LRRIQ4: variants seen among roughly 807,000 people sequenced by gnomAD.
LRRIQ4 encodes the protein leucine-rich repeat and IQ domain-containing protein 4.
A neutral mutation model predicts 40.1 loss-of-function variants in LRRIQ4; 21 were observed. The observed-to-expected ratio is 0.52, with a 90% confidence interval of 0.37 to 0.75. The LOEUF is 0.75. Among genes scored for constraint, LRRIQ4 ranks in the 30% least tolerant of loss-of-function variants. The probability of loss-of-function intolerance (pLI) is 0.00; values close to 1 mark genes in which losing one functional copy is unlikely to be tolerated. For synonymous variants in LRRIQ4, 277 were observed against 277.1 expected (o/e 1.00, Z 0.00); for missense variants, 655 against 660.0 (o/e 0.99, Z 0.08).
At chr3:169,821,809 T>G in intron 1 of LRRIQ4, 82 bp from the exon 2 acceptor site, 1 of 703,286 alleles carries the variant, frequency 1.4e-6, no homozygotes, top group Non-Finnish European at 2.1e-6. Flanking sequence ...ATCAACTAGG[T>G]TTTAATTTTA....
In LRRIQ4 at chr3:169,822,780, C is replaced by CT. The variant is rs781501146; in HGVS notation, c.860dup (p.Asn289LysfsTer41). 1.2e-5 allele frequency: 19 copies of CT among 1,613,704 alleles called. No individual in the cohort carries two copies. The South Asian group carries it at 1.9e-4, about 16-fold the overall frequency. On this transcript the variant is annotated frameshift_variant, in exon 2 of 6. Coordinates refer to ENST00000340806, the MANE Select transcript of LRRIQ4 (RefSeq NM_001080460.3). LOFTEE classifies it high-confidence loss of function. ...GTGGACCTCGCTGCACCTGCTCTAC[C>CT]TGGGAAACACCGGCCTGCACAGGCT...
intron 3 of LRRIQ4, among the ~76,000 whole-genome samples, chr3:169,830,153 GCTA>G (rs1780128282): frequency 2.0e-5 from 3 of 151,982 alleles, no homozygotes; most frequent in Non-Finnish European, 4.4e-5. Flanking sequence ...CAGACAATTA[GCTA>G]TTAAAAAAGG....
Position 169,831,440 on chromosome 3 carries a change from A to ATTTTTT in LRRIQ4, c.1333+848_1333+853dup, listed in dbSNP as rs750864248. 4.1e-4 allele frequency among the ~76,000 whole-genome samples: 12 copies of ATTTTTT among 29,430 alleles called. 3 individuals are homozygous for ATTTTTT. Among genetic ancestry groups the ATTTTTT allele is most frequent in the African/African-American group, 9.0e-4 (7 of 7,808 alleles). 19.3% of individuals were successfully genotyped at this position (29,430 alleles called of 152,430 possible). On this transcript the variant is annotated intron_variant, in intron 4 of 5. Transcript: ENST00000340806. Reference sequence around the variant, plus strand: ...AGGCGCCCGCCACCACGCCCGGCTAATTTTTTTTTTTTTTTTTTTTTTTTT... The same window carrying ATTTTTT: ...AGGCGCCCGCCACCACGCCCGGCTAATTTTTTTTTTTTTTTTTTTTTTTTTTTTTTT...
At chr3:169,820,925 G>A (rs1236570086) in intron 1 of LRRIQ4, among the ~76,000 whole-genome samples, 1 of 152,212 alleles carries the variant, frequency 6.6e-6, no homozygotes, top group Non-Finnish European at 1.5e-5. Context: ...AACTGACTTT[G>A]CATTTGGGGC....
At chr3:169,833,381 TC>T (rs1455339125) in intron 5 of LRRIQ4, among the ~76,000 whole-genome samples, 198 bp downstream of exon 5, 6 of 152,138 alleles carry the variant, frequency 3.9e-5, no homozygotes, top group South Asian at 2.1e-4. Context: ...GTCTTTTATG[TC>T]CCTTATTTCT....
intron 4 of LRRIQ4, among the ~76,000 whole-genome samples, chr3:169,830,936 C>T (rs1780157038): frequency 6.6e-6 from 1 of 152,208 alleles, no homozygotes; most frequent in African/African-American, 2.4e-5. Flanking sequence ...TGTACACTTA[C>T]TACATGCCAG....
At chr3:169,820,249 C>CTG (rs55800037) in intron 1 of LRRIQ4, among the ~76,000 whole-genome samples, 12,116 of 143,672 alleles carry the variant, frequency 0.084, 494 homozygotes, top group Middle Eastern at 0.11. Flanking sequence ...CCCATAGACT[C>CTG]TGTGTGTGTG....
chr3:169,826,220 C>T (rs1780037189), intron 2 of LRRIQ4, among the ~76,000 whole-genome samples: 1 of 151,876 alleles, frequency 6.6e-6, no homozygotes, highest in South Asian at 2.1e-4. Flanking sequence ...GGCGAAACCC[C>T]ATCTCTACTA....
chr3:169,834,916 A>T (rs1780271554), intron 5 of LRRIQ4, among the ~76,000 whole-genome samples: 1 of 152,062 alleles, frequency 6.6e-6, no homozygotes, highest in Non-Finnish European at 1.5e-5. Flanking sequence ...ATTTCTTACA[A>T]ATTTTAATAA....
intron 1 of LRRIQ4, among the ~76,000 whole-genome samples, chr3:169,813,915 T>C (rs528294230): frequency 1.4e-4 from 21 of 152,198 alleles, no homozygotes; most frequent in African/African-American, 4.3e-4. Context: ...GACGGGCAGG[T>C]TGTGGGGCAC....
Position 169,822,149 on chromosome 3 carries a change from C to G in LRRIQ4, c.228C>G (p.Leu76=). The change falls in exon 2 of 6, where the codon CTC becomes CTG. Residue 76 remains leucine, a synonymous_variant. Coordinates refer to ENST00000340806, the MANE Select transcript of LRRIQ4 (RefSeq NM_001080460.3). ...AGCGTTTAAAGAACATCAGGGTCCT[C>G]TACCTGGATAAGAACAACCTGAGGA... ...EIQRLKNIRV[L]YLDKNNLRSL... The G allele has an allele frequency of 1.9e-6, 3 of 1,612,946 alleles. No homozygotes were observed. Among genetic ancestry groups the G allele is most frequent in the Non-Finnish European group, 2.5e-6 (3 of 1,179,640 alleles).
At chr3:169,834,920 T>C (rs1780271637) in intron 5 of LRRIQ4, among the ~76,000 whole-genome samples, 1 of 152,076 alleles carries the variant, frequency 6.6e-6, no homozygotes, top group African/African-American at 2.4e-5. Flanking sequence ...CTTACAAATT[T>C]TAATAATTAT....
intron 1 of LRRIQ4, among the ~76,000 whole-genome samples, chr3:169,820,249 CTGTGTGTGTGTGTGTGTG>C (rs55800037): frequency 3.5e-5 from 5 of 143,678 alleles, no homozygotes; most frequent in African/African-American, 1.3e-4. Flanking sequence ...CCCATAGACT[CTGTGTGTGTGTGTGTGTG>C]TGTGTGTGTG....
chr3:169,822,753 A>T lies in LRRIQ4; in HGVS notation c.832A>T (p.Arg278Trp), dbSNP rs939539175. ...RLEKVPRLICRWTSLHLLYLG... is the reference protein window; with the variant it reads ...RLEKVPRLICWWTSLHLLYLG... The stretch of plus-strand genomic sequence containing the variant: ...GGAGAAGGTGCCACGCCTCATTTGC[A>T]GGTGGACCTCGCTGCACCTGCTCTA... Residue 278 changes from arginine (R) to tryptophan (W), a missense_variant, in exon 2 of 6, where the codon AGG (arginine) becomes TGG (tryptophan). By Grantham distance (101) the Arg-to-Trp change is moderately radical. Transcript: ENST00000340806. 6.2e-7 allele frequency: 1 copy of T among 1,613,758 alleles called. No individual in the cohort carries two copies. Among genetic ancestry groups the T allele is most frequent in the Non-Finnish European group, 8.5e-7 (1 of 1,179,758 alleles).
intron 1 of LRRIQ4, among the ~76,000 whole-genome samples, chr3:169,819,971 C>A (rs189772760): frequency 8.5e-4 from 129 of 152,254 alleles, no homozygotes; most frequent in Admixed American, 2.2e-3. Flanking sequence ...AGTGTTAAAT[C>A]TTTCCTTTTC....
At chr3:169,832,657 AAT>A (rs910360765) in intron 4 of LRRIQ4, among the ~76,000 whole-genome samples, 2 of 146,066 alleles carry the variant, frequency 1.4e-5, no homozygotes, top group African/African-American at 5.0e-5. Context: ...AAAAAAAATC[AAT>A]AGTCTGCTGA....
rs552163439 is a variant in LRRIQ4, at chr3:169,829,201, CA to C, written c.1194+270del. 2.4e-3 allele frequency among the ~76,000 whole-genome samples: 358 copies of C among 152,294 alleles called. 3 individuals carry two copies. The highest frequency in any genetic ancestry group is 4.0e-3 in the Admixed American group (61 of 15,286). On this transcript the variant is annotated intron_variant, in intron 3 of 5. Transcript: ENST00000340806. Reference sequence around the variant, plus strand: ...TGTGTTTCATTTGCAGAAATTGAGTCATAACTCTTTCCATTTAATTTCCACT... The same window carrying C: ...TGTGTTTCATTTGCAGAAATTGAGTCTAACTCTTTCCATTTAATTTCCACT...
rs200561449 is a variant in LRRIQ4, at chr3:169,828,932, G to A, written c.1194G>A (p.Gln398=). ...TGCCAGAACACATTAGGAAACTGCA[G>A]GTAAGCCTCCCCAAATGAGCAGGCT... ...TYVPEHIRKL[Q]SLKELYIENN... Residue 398 remains glutamine (Q), a splice_region_variant and synonymous_variant, in exon 3 of 6, where the codon CAG becomes CAA. Coordinates refer to ENST00000340806, the MANE Select transcript of LRRIQ4 (RefSeq NM_001080460.3). The A allele has an allele frequency of 6.2e-7, 1 of 1,601,014 alleles. No homozygotes were observed. Among genetic ancestry groups the A allele is most frequent in the Non-Finnish European group, 8.5e-7 (1 of 1,175,944 alleles).
rs1217636845 is a variant in LRRIQ4, at chr3:169,822,305, C to A, written c.384C>A (p.Thr128=). Residue 128 remains threonine, a synonymous_variant, in exon 2 of 6, where the codon ACC becomes ACA. Coordinates refer to ENST00000340806, the MANE Select transcript of LRRIQ4 (RefSeq NM_001080460.3). ...TGCGCGAGCTCCGGCTCTACCAGAC[C>A]GACCTGAAGGAAATTCCCGTCGTCA... The part of the protein sequence containing the change: ...HALRELRLYQ[T]DLKEIPVVIF... 1.4e-5 allele frequency: 23 copies of A among 1,613,782 alleles called. No homozygotes were observed. Among genetic ancestry groups the A allele is most frequent in the East Asian group, 1.3e-4 (6 of 44,898 alleles).
Sources: gnomAD v4.1 joint callset for allele counts (sites outside exome capture counted in the v4.1 genomes callset) on GRCh38, gnomAD v4.1.1 for gene constraint, MANE v1.5 for transcripts, NCBI Gene and HGNC (gene_info 2026-07-23, HGNC 2026-07-21) for gene names.